Variants in OPRM1 observed in about 807,000 individuals in gnomAD.
The protein encoded by OPRM1 is opioid receptor mu 1, also known as mu-type opioid receptor.
OPRM1 carries 27 observed loss-of-function variants against 31.8 expected under a neutral mutation model. That is an observed-to-expected ratio of 0.85 (90% confidence interval 0.63 to 1.17). The LOEUF is 1.17. Ranked by LOEUF, OPRM1 falls within the 50% of genes most tolerant of loss-of-function variation. The pLI is 0.00. For synonymous variants in OPRM1, 196 were observed against 189.9 expected (o/e 1.03, Z -0.26); for missense variants, 536 against 511.1 (o/e 1.05, Z -0.47).
At chr6:154,030,071 A>C (rs755996708) in intron 1 of OPRM1, among the ~76,000 whole-genome samples, 4 of 151,954 alleles carry the variant, frequency 2.6e-5, no homozygotes, top group Non-Finnish European at 5.9e-5. Context: ...CCAGTCTCAG[A>C]TATGTTTTAT....
chr6:154,135,365 A>T (rs1284952534), downstream of OPRM1, among the ~76,000 whole-genome samples: 11 of 152,188 alleles, frequency 7.2e-5, no homozygotes, highest in South Asian at 2.3e-3. Context: ...GCTACTCGGG[A>T]GGCTGAGGCA....
intron 3 of OPRM1, among the ~76,000 whole-genome samples, chr6:154,175,893 C>A (rs1321590632): frequency 6.6e-6 from 1 of 152,180 alleles, no homozygotes; most frequent in Non-Finnish European, 1.5e-5. Flanking sequence ...AGGCCAATAT[C>A]CCTGATGAAC....
At chr6:154,241,850 T>G (rs1780621623) in intron 3 of OPRM1, among the ~76,000 whole-genome samples, 1 of 152,164 alleles carries the variant, frequency 6.6e-6, no homozygotes, top group Admixed American at 6.5e-5. Flanking sequence ...AAACCCACAT[T>G]CCTACACTAT....
At chr6:154,239,106 C>A (rs1780374038) in intron 3 of OPRM1, among the ~76,000 whole-genome samples, 1 of 152,000 alleles carries the variant, frequency 6.6e-6, no homozygotes, top group Non-Finnish European at 1.5e-5. Flanking sequence ...ATATCACTGC[C>A]TTCTGAGAAC....
rs1790884178 is a variant in OPRM1 at position 154,087,500 on chromosome 6, C to T, written c.291-2326C>T. 7 of 985,354 alleles carry T rather than the reference C, an allele frequency of 7.1e-6. No individual in the cohort carries two copies. The South Asian group carries it at 3.3e-4, about 46-fold the overall frequency. 61.0% of individuals were successfully genotyped at this position (985,354 alleles called of 1,614,324 possible). On this transcript the variant is annotated intron_variant, in intron 1 of 3. Coordinates refer to ENST00000330432, the MANE Select transcript of OPRM1 (RefSeq NM_000914.5). ...CAGGTGTGGGGTTCTCTCTCACGCT[C>T]TCAAATCCACATCCTCCGGATTAGG... is the stretch of plus-strand genomic sequence containing the variant.
At position 154,218,392 on chromosome 6, in the gene OPRM1, C is replaced by A. The variant is rs547875649; in HGVS notation, c.1165-28301C>A. On this transcript the variant is annotated intron_variant, in intron 3 of 3. Transcript: ENST00000337049. ...AAATTGAGACTCACTACAGAACATG[C>A]GGAGTTTCTACTAAACTTAATTACA... Among the ~76,000 whole-genome samples the A allele has an allele frequency of 1.1e-4, 17 of 152,272 alleles. No individual in the cohort carries two copies. In the South Asian group the frequency reaches 1.9e-3, roughly 17 times the overall value.
intron 3 of OPRM1, chr6:154,154,627 A>T (rs1428631041): frequency 6.6e-6 from 1 of 152,260 alleles, no homozygotes; most frequent in South Asian, 2.1e-4. Context: ...TTCCAGCCAC[A>T]TGTTTATTTC....
chr6:154,182,917 G>A (rs1433443250), intron 3 of OPRM1, among the ~76,000 whole-genome samples: 2 of 152,228 alleles, frequency 1.3e-5, no homozygotes, highest in African/African-American at 2.4e-5. Flanking sequence ...AAAGGAAGAA[G>A]TTAGCTTATC....
chr6:154,033,294 G>A (rs1779110817), intron 1 of OPRM1, among the ~76,000 whole-genome samples: 1 of 152,176 alleles, frequency 6.6e-6, no homozygotes, highest in African/African-American at 2.4e-5. Flanking sequence ...TGGAGGAGGA[G>A]AAAGGGAAGC....
rs1331719759 is a variant in OPRM1 at position 154,129,400 on chromosome 6, C to T, written c.*10679C>T. ...AGGCGGGCCCAGGCCTGGTTTCGGG[C>T]CTGGCGCTGAGCTGCCTGTATTTGG... On this transcript the variant is annotated 3_prime_UTR_variant, in exon 4 of 4. Coordinates refer to ENST00000330432, the MANE Select transcript of OPRM1 (RefSeq NM_000914.5). Among the ~76,000 whole-genome samples, 17 of 152,178 alleles carry T rather than the reference C, an allele frequency of 1.1e-4. No individual in the cohort carries two copies.
chr6:154,180,298 T>C (rs1430251661), intron 3 of OPRM1, among the ~76,000 whole-genome samples: 1 of 151,714 alleles, frequency 6.6e-6, no homozygotes, highest in African/African-American at 2.4e-5. Flanking sequence ...TCCTAAACTT[T>C]CTTCAAACTT....
At chr6:154,243,236 CT>C (rs1298442041) in intron 3 of OPRM1, among the ~76,000 whole-genome samples, 1 of 152,146 alleles carries the variant, frequency 6.6e-6, no homozygotes, top group Non-Finnish European at 1.5e-5. Context: ...GAACGTGTAC[CT>C]TCTTGTAAGG....
At chr6:154,110,229 G>T in intron 3 of OPRM1, 3 of 547,626 alleles carry the variant, frequency 5.5e-6, no homozygotes, top group Non-Finnish European at 9.8e-6. Context: ...TTTGTTTTCT[G>T]GTGATATTAC....
chr6:154,224,820 C>A (rs939831608), intron 3 of OPRM1, among the ~76,000 whole-genome samples: 16 of 152,224 alleles, frequency 1.1e-4, no homozygotes, highest in Non-Finnish European at 2.2e-4. Flanking sequence ...TGAATATGTA[C>A]TCATTCATAT....
chr6:154,207,763 T>C (rs566565673), intron 3 of OPRM1, among the ~76,000 whole-genome samples: 74 of 152,294 alleles, frequency 4.9e-4, no homozygotes, highest in South Asian at 2.5e-3. Flanking sequence ...GATTTTTTTT[T>C]CCTCATTTCA....
At chr6:154,216,447 T>C (rs931538070) in intron 3 of OPRM1, among the ~76,000 whole-genome samples, 8 of 143,126 alleles carry the variant, frequency 5.6e-5, no homozygotes, top group Non-Finnish European at 4.7e-5. Context: ...CCTAATATAC[T>C]CTTAATTGAG....
At chr6:154,092,195 C>A (rs919322945) in intron 3 of OPRM1, among the ~76,000 whole-genome samples, 2 of 151,890 alleles carry the variant, frequency 1.3e-5, no homozygotes, top group Admixed American at 6.6e-5. Flanking sequence ...GTGCCCAGAC[C>A]TACACAGAAA....
At chr6:154,108,208 T>G (rs1339569664) in intron 3 of OPRM1, 1 of 441,108 alleles carries the variant, frequency 2.3e-6, no homozygotes, top group African/African-American at 2.0e-5. Flanking sequence ...TGATAAAACA[T>G]AGGCATTAGC....
downstream of OPRM1, among the ~76,000 whole-genome samples, chr6:154,132,514 T>C (rs60782246): frequency 0.012 from 1,845 of 152,280 alleles, 37 homozygotes; most frequent in African/African-American, 0.043. Context: ...AAGTGAACTT[T>C]CTCTCTTCAT....
Sources: gnomAD v4.1 joint callset for allele counts (sites outside exome capture counted in the v4.1 genomes callset) on GRCh38, gnomAD v4.1.1 for gene constraint, MANE v1.5 for transcripts, NCBI Gene and HGNC (gene_info 2026-07-23, HGNC 2026-07-21) for gene names.